DMD: variants seen among roughly 807,000 people sequenced by gnomAD.
DMD encodes the protein mutant dystrophin.
DMD carries 63 observed loss-of-function variants against 330.1 expected under a neutral mutation model. The observed-to-expected ratio is 0.19, with a 90% CI of 0.16 to 0.24. The LOEUF (loss-of-function observed/expected upper bound fraction) is 0.24. Ranked by LOEUF, DMD falls within the 10% of genes least tolerant of loss-of-function variation. The pLI, the probability that DMD is intolerant of heterozygous loss-of-function variation, is 1.00. For synonymous variants in DMD, 1,223 were observed against 959.8 expected, an observed-to-expected ratio of 1.27 and a Z score of -5.07; for missense variants, 3,344 against 2,684.1, an observed-to-expected ratio of 1.25 and a Z score of -5.43.
chrX:32,640,460 C>A (rs1044358963), intron 11 of DMD, among the ~76,000 whole-genome samples: 2 of 110,037 alleles, frequency 1.8e-5, no homozygotes, highest in Admixed American at 9.8e-5. Context: ...TCAGGGCACG[C>A]TATTATCTTT....
chrX:31,807,876 C>T (rs749224225), intron 50 of DMD, among the ~76,000 whole-genome samples: 13 of 111,829 alleles, frequency 1.2e-4, no homozygotes, highest in African/African-American at 3.9e-4. Context: ...CAGGCATGAA[C>T]TTTATAAAGA....
chrX:31,826,795 T>A (rs1820016014), intron 49 of DMD, among the ~76,000 whole-genome samples: 1 of 112,276 alleles, frequency 8.9e-6, no homozygotes, highest in Non-Finnish European at 1.9e-5. Context: ...TGACTACATC[T>A]CCATAATTTT....
intron 51 of DMD, among the ~76,000 whole-genome samples, chrX:31,748,566 C>T (rs1041288401): frequency 1.8e-5 from 2 of 112,020 alleles, no homozygotes; most frequent in African/African-American, 6.5e-5. Context: ...CTCTCCACTG[C>T]CTTACAATTC....
chrX:31,462,029 T>C (rs1258271261), intron 59 of DMD, among the ~76,000 whole-genome samples: 1 of 111,749 alleles, frequency 8.9e-6, no homozygotes, highest in Non-Finnish European at 1.9e-5. Context: ...CCCAATTCCA[T>C]ACTCAGTGGC....
At chrX:31,764,067 G>T (rs916933077) in intron 51 of DMD, among the ~76,000 whole-genome samples, 5 of 110,522 alleles carry the variant, frequency 4.5e-5, no homozygotes, top group Admixed American at 9.7e-5. Flanking sequence ...TTTTTGTAGA[G>T]ATGAAGTCTC....
chrX:32,857,518 CTT>C (rs1423957916), intron 2 of DMD, among the ~76,000 whole-genome samples: 2 of 112,052 alleles, frequency 1.8e-5, no homozygotes, highest in African/African-American at 6.5e-5. Context: ...CAAAGCATGA[CTT>C]TTAAACTCAT....
At chrX:31,772,873 T>G (rs1390931841) in intron 51 of DMD, among the ~76,000 whole-genome samples, 2 of 111,965 alleles carry the variant, frequency 1.8e-5, no homozygotes, top group Non-Finnish European at 3.8e-5. Flanking sequence ...ATATTGTGAA[T>G]GTGAATGTGT....
intron 67 of DMD, among the ~76,000 whole-genome samples, chrX:31,199,905 C>A (rs1030874343): frequency 8.9e-6 from 1 of 111,744 alleles, no homozygotes; most frequent in Non-Finnish European, 1.9e-5. Flanking sequence ...GGGCAGAGGA[C>A]ATTTTCACTC....
chrX:32,942,548 A>T (rs2090499541), intron 2 of DMD, among the ~76,000 whole-genome samples: 1 of 111,154 alleles, frequency 9.0e-6, no homozygotes, highest in African/African-American at 3.3e-5. Flanking sequence ...GTCTCAAAAA[A>T]CAAAAAAAGA....
At chrX:32,132,993 CTTTTTTTTTTTTTTTTTTT>C (rs377615262) in intron 44 of DMD, among the ~76,000 whole-genome samples, 8 of 76,010 alleles carry the variant, frequency 1.1e-4, no homozygotes, top group Non-Finnish European at 2.2e-5. Flanking sequence ...CTTTTCTTTT[CTTTTTTTTTTTTTTTTTTT>C]TTTTTTTTTT....
chrX:31,981,641 G>C (rs1472144779), intron 44 of DMD, among the ~76,000 whole-genome samples: 1 of 111,526 alleles, frequency 9.0e-6, no homozygotes, highest in Non-Finnish European at 1.9e-5. Flanking sequence ...AAGGGAGAAG[G>C]TTAGGGATAG....
chrX:31,230,472 C>A (rs1183357554), intron 63 of DMD, among the ~76,000 whole-genome samples: 2 of 110,244 alleles, frequency 1.8e-5, no homozygotes, highest in South Asian at 3.9e-4. Context: ...CATGGTGAAA[C>A]CCCGTCTCTA....
intron 54 of DMD, among the ~76,000 whole-genome samples, chrX:31,640,067 C>T (rs964424661): frequency 8.9e-6 from 1 of 112,041 alleles, no homozygotes; most frequent in Non-Finnish European, 1.9e-5. Context: ...TCTTCTACAA[C>T]CAGCTGTGAC....
chrX:32,448,891 T>A (rs772880802), intron 26 of DMD, among the ~76,000 whole-genome samples: 4 of 110,809 alleles, frequency 3.6e-5, no homozygotes, highest in South Asian at 7.4e-4. Context: ...TGCATGGAGG[T>A]ATGGATTTGT....
intron 41 of DMD, among the ~76,000 whole-genome samples, chrX:32,324,228 A>G (rs749764052): frequency 8.9e-6 from 1 of 111,761 alleles, no homozygotes; most frequent in South Asian, 3.7e-4. Flanking sequence ...TATACATTCT[A>G]TGCATGTAGC....
intron 43 of DMD, among the ~76,000 whole-genome samples, chrX:32,226,723 T>C (rs891305793): frequency 2.7e-5 from 3 of 111,458 alleles, no homozygotes; most frequent in Non-Finnish European, 5.7e-5. Context: ...AGAATAATAC[T>C]GCCTACCTCA....
At chrX:31,813,978 G>T (rs1022976906) in intron 50 of DMD, among the ~76,000 whole-genome samples, 15 of 111,266 alleles carry the variant, frequency 1.3e-4, no homozygotes, top group South Asian at 3.9e-4. Flanking sequence ...CAATGACAGA[G>T]TTGACCACAT....
At chrX:31,220,741 A>G (rs916666382) in intron 64 of DMD, among the ~76,000 whole-genome samples, 11 of 110,623 alleles carry the variant, frequency 9.9e-5, no homozygotes, top group South Asian at 3.9e-4. Context: ...CAAGTCCCAC[A>G]TTCACCTGAT....
chrX:32,268,304 AAC>A (rs2097352213), intron 43 of DMD, among the ~76,000 whole-genome samples: 1 of 111,727 alleles, frequency 9.0e-6, no homozygotes, highest in Non-Finnish European at 1.9e-5. Flanking sequence ...AAGTAGCTAC[AAC>A]CACATGCAAA....
Sources: gnomAD v4.1 joint callset for allele counts (sites outside exome capture counted in the v4.1 genomes callset) on GRCh38, gnomAD v4.1.1 for gene constraint, MANE v1.5 for transcripts, NCBI Gene and HGNC (gene_info 2026-07-23, HGNC 2026-07-21) for gene names.